The following ZNF83 variants were observed in gnomAD, a reference collection of about 807,000 sequenced individuals.
ZNF83 encodes the protein zinc finger protein 816B.
For missense variants in ZNF83, 552 were observed against 629.9 expected, an observed-to-expected ratio of 0.88 and a Z score of 1.32; for synonymous variants, 209 against 213.0, an observed-to-expected ratio of 0.98 and a Z score of 0.17.
chr19:52,627,332 G>A (rs1206157626), intron 2 of ZNF83, among the ~76,000 whole-genome samples: 2 of 151,800 alleles, frequency 1.3e-5, no homozygotes, highest in Non-Finnish European at 2.9e-5. Flanking sequence ...TCTAGTTGAG[G>A]GTGGAGGGTG....
upstream of ZNF83, among the ~76,000 whole-genome samples, chr19:52,642,908 G>A (rs1398629882): frequency 6.6e-6 from 1 of 152,008 alleles, no homozygotes; most frequent in Non-Finnish European, 1.5e-5. Context: ...TATAATACTA[G>A]CACTCTGGAA....
chr19:52,655,765 A>C, intron 2 of ZNF83: 1 of 680,718 alleles, frequency 1.5e-6, no homozygotes, highest in East Asian at 2.6e-5. Context: ...AGAGAAAATA[A>C]GTATTGATTT....
chr19:52,664,765 G>T (rs1183947683), intron 1 of ZNF83, among the ~76,000 whole-genome samples: 1 of 151,604 alleles, frequency 6.6e-6, no homozygotes, highest in Non-Finnish European at 1.5e-5. Flanking sequence ...GGGGGGTGAG[G>T]GGGGAAGAGG....
At chr19:52,624,090 G>A (rs1054746801) in intron 2 of ZNF83, among the ~76,000 whole-genome samples, 5 of 152,190 alleles carry the variant, frequency 3.3e-5, no homozygotes, top group East Asian at 1.9e-4. Flanking sequence ...GGGCTGTACT[G>A]CCGCAAGGCT....
At position 52,652,341 on chromosome 19, in the gene ZNF83, A is replaced by T. The variant is rs140917505; in HGVS notation, c.-74+3220T>A. 8.8e-3 allele frequency: 2,512 copies of T among 286,146 alleles called. 15 individuals are homozygous for T. The highest frequency in any genetic ancestry group is 0.013 in the Non-Finnish European group (1,992 of 147,908). The allele number at this position is 286,146 out of a possible 1,614,324, so 17.7% of individuals were successfully genotyped here. ...GTCCCAGCTACTCAGGAGGCTAGGA[A>T]GGAGAATCGTATGAACCTGGGAGGT... On this transcript the variant is annotated intron_variant, in intron 3 of 5. Coordinates refer to the ZNF83 transcript ENST00000594682.
chr19:52,676,897 A>G (rs1435540417), intron 1 of ZNF83, among the ~76,000 whole-genome samples: 59 of 136,368 alleles, frequency 4.3e-4, no homozygotes, highest in Middle Eastern at 3.5e-3. Flanking sequence ...GTGGTGCAAG[A>G]TGTGCTTTGT....
chr19:52,688,462 C>A (rs993374239), intron 1 of ZNF83, among the ~76,000 whole-genome samples: 2 of 152,028 alleles, frequency 1.3e-5, no homozygotes, highest in African/African-American at 4.8e-5. Flanking sequence ...GCATGAACCA[C>A]TGTACCCAGC....
At chr19:52,625,840 C>T (rs1285159517) in intron 2 of ZNF83, among the ~76,000 whole-genome samples, 1 of 152,160 alleles carries the variant, frequency 6.6e-6, no homozygotes, top group Non-Finnish European at 1.5e-5. Flanking sequence ...TACACAGTTA[C>T]CCCATCAGTC....
chr19:52,685,336 T>A (rs966505076), intron 1 of ZNF83, among the ~76,000 whole-genome samples: 7 of 152,068 alleles, frequency 4.6e-5, no homozygotes. Context: ...AATTCTTACA[T>A]GGGGGCCTGG....
chr19:52,652,174 C>T (rs945730285), intron 3 of ZNF83: 10 of 225,788 alleles, frequency 4.4e-5, no homozygotes, highest in African/African-American at 1.4e-4. Context: ...CGTGGTGGCT[C>T]ATGCCTGTAA....
At chr19:52,635,485 T>G (rs12462943) in intron 1 of ZNF83, 1 of 166,740 alleles carries the variant, frequency 6.0e-6, no homozygotes, top group Admixed American at 6.4e-5. Context: ...TCTGGGAGGC[T>G]GAGGCAGGTG....
At chr19:52,640,731 C>T (rs1028752290), upstream of ZNF83, among the ~76,000 whole-genome samples, 9 of 152,170 alleles carry the variant, frequency 5.9e-5, no homozygotes, top group African/African-American at 1.9e-4. Context: ...GGGGGGAGTT[C>T]GCCCCGACTG....
At chr19:52,668,468 G>A (rs2147302534) in intron 1 of ZNF83, among the ~76,000 whole-genome samples, 1 of 152,208 alleles carries the variant, frequency 6.6e-6, no homozygotes, top group South Asian at 2.1e-4. Flanking sequence ...CAACTTTAGA[G>A]CATTTCTATG....
At chr19:52,680,682 G>A (rs369225907) in intron 1 of ZNF83, among the ~76,000 whole-genome samples, 317 of 130,076 alleles carry the variant, frequency 2.4e-3, no homozygotes, top group African/African-American at 6.6e-3. Flanking sequence ...GCGCGATCTC[G>A]GCTCACTGCA....
At position 52,619,023 on chromosome 19, in the gene ZNF83, G is replaced by A. The variant is rs577522218; in HGVS notation, c.-233-4226C>T. On this transcript the variant is annotated intron_variant, in intron 2 of 2. Transcript: ENST00000301096. ...GGGTCCAGGCATTTCCACTCCTCCT[G>A]AGAGAATTCTATGGCCACATCCCTG... 2.6e-5 allele frequency: 42 copies of A among 1,606,888 alleles called. No individual in the cohort carries two copies. In the East Asian group the frequency reaches 9.4e-4, roughly 36 times the overall value.
intron 2 of ZNF83, among the ~76,000 whole-genome samples, chr19:52,619,676 T>C (rs2060461710): frequency 6.6e-6 from 1 of 150,598 alleles, no homozygotes; most frequent in Admixed American, 6.6e-5. Context: ...CAAGTGACAC[T>C]CAGTATCTAG....
intron 1 of ZNF83, among the ~76,000 whole-genome samples, chr19:52,637,283 C>A (rs1414039574): frequency 6.6e-6 from 1 of 152,078 alleles, no homozygotes; most frequent in African/African-American, 2.4e-5. Context: ...CCCTGTTATA[C>A]CCCCTGTCCC....
At chr19:52,626,694 A>C (rs2060750414) in intron 2 of ZNF83, among the ~76,000 whole-genome samples, 1 of 151,982 alleles carries the variant, frequency 6.6e-6, no homozygotes, top group South Asian at 2.1e-4. Context: ...CCGCACCAAG[A>C]TCTCCCCACA....
At chr19:52,632,072 G>C (rs1379920978) in intron 2 of ZNF83, among the ~76,000 whole-genome samples, 3 of 152,178 alleles carry the variant, frequency 2.0e-5, no homozygotes, top group South Asian at 2.1e-4. Context: ...TGGATAGGTA[G>C]AGGCCTTTCC....
Sources: gnomAD v4.1 joint callset for allele counts (sites outside exome capture counted in the v4.1 genomes callset) on GRCh38, gnomAD v4.1.1 for gene constraint, MANE v1.5 for transcripts, NCBI Gene and HGNC (gene_info 2026-07-23, HGNC 2026-07-21) for gene names.